Variants in SMAD7 observed in about 807,000 individuals in gnomAD.
The protein encoded by SMAD7 is MAD (mothers against decapentaplegic, Drosophila) homolog 7.
In SMAD7, 8 loss-of-function variants were observed where a neutral mutation model predicts 38.7. That is an observed-to-expected ratio of 0.21 (90% confidence interval 0.12 to 0.37). The LOEUF is 0.37. Ranked by LOEUF, SMAD7 falls within the 10% of genes least tolerant of loss-of-function variation. SMAD7 has a pLI of 1.00. For missense variants in SMAD7, 477 were observed against 577.9 expected (o/e 0.83, Z 1.79); for synonymous variants, 327 against 265.1 (o/e 1.23, Z -2.27).
intron 2 of SMAD7, among the ~76,000 whole-genome samples, chr18:48,947,031 A>G (rs2070202431): frequency 6.6e-6 from 1 of 152,224 alleles, no homozygotes; most frequent in Non-Finnish European, 1.5e-5. Context: ...GAACTTCATA[A>G]AAGAATTCTT....
chr18:48,931,148 C>T (rs1280485493), intron 3 of SMAD7, among the ~76,000 whole-genome samples: 3 of 151,936 alleles, frequency 2.0e-5, no homozygotes, highest in African/African-American at 2.4e-5. Flanking sequence ...ATGGTGGGTG[C>T]CAAGTGCTGG....
chr18:48,938,274 C>T (rs747612188), intron 3 of SMAD7, among the ~76,000 whole-genome samples: 1 of 152,178 alleles, frequency 6.6e-6, no homozygotes, highest in Non-Finnish European at 1.5e-5. Context: ...CAAGGACGCT[C>T]CCATCCCCCA....
At position 48,950,270 on chromosome 18, in the gene SMAD7, C is replaced by G; in HGVS notation, c.155G>C (p.Gly52Ala). Reference protein sequence around the residue: ...ATDSRAHGAGGGGPGRAGCCL... With the variant: ...ATDSRAHGAGAGGPGRAGCCL... ...GCATCCAGCCCTGCCCGGGCCGCCG[C>G]CACCGGCCCCATGCGCTCGGCTGTC... The change falls in exon 1 of 4, where the codon GGC becomes GCC. Residue 52 changes from glycine (G) to alanine (A), a missense_variant. Transcript: ENST00000262158. 4 of 1,521,652 alleles carry G rather than the reference C, an allele frequency of 2.6e-6. No homozygotes were observed. Among genetic ancestry groups the G allele is most frequent in the Non-Finnish European group, 3.5e-6 (4 of 1,137,044 alleles). 94.3% of individuals were successfully genotyped at this position (1,521,652 alleles called of 1,614,324 possible). A position where few individuals can be genotyped will look rare whatever the true frequency, so the allele number is the denominator to read the frequency against.
chr18:48,928,931 C>T (rs1017634743), intron 3 of SMAD7, among the ~76,000 whole-genome samples: 5 of 152,102 alleles, frequency 3.3e-5, no homozygotes, highest in African/African-American at 1.2e-4. Flanking sequence ...CAGGCTGACG[C>T]GGCTTCCTGT....
At position 48,949,893 on chromosome 18, in the gene SMAD7, A is replaced by T; in HGVS notation, c.532T>A (p.Cys178Ser). The T allele has an allele frequency of 6.2e-7, 1 of 1,613,770 alleles. No homozygotes were observed. Among genetic ancestry groups the T allele is most frequent in the South Asian group, 1.1e-5 (1 of 91,056 alleles). Residue 178 changes from cysteine to serine, a missense_variant, in exon 1 of 4, where the codon TGT becomes AGT. By Grantham distance (112) the Cys-to-Ser change is moderately radical (BLOSUM62 -1). Coordinates refer to ENST00000262158, the MANE Select transcript of SMAD7 (RefSeq NM_005904.4). ...LRHSSEVKRL[C>S]CCESYGKINP... ...ATCTTCCCGTAAGATTCACAGCAAC[A>T]CAGCCTCTTGACTTCCGAGGAATGC...
At chr18:48,939,935 C>T (rs1230067874) in intron 3 of SMAD7, among the ~76,000 whole-genome samples, 12 of 151,492 alleles carry the variant, frequency 7.9e-5, no homozygotes, top group Admixed American at 6.6e-5. Context: ...ACCCAGGCCA[C>T]CCCCCATGGA....
intron 3 of SMAD7, among the ~76,000 whole-genome samples, chr18:48,937,263 CATGTGT>C (rs1475146366): frequency 1.4e-5 from 1 of 69,082 alleles, no homozygotes; most frequent in Non-Finnish European, 3.0e-5. Flanking sequence ...TAAGTAAAGG[CATGTGT>C]GTGTGTGTGT....
At position 48,921,113 on chromosome 18, in the gene SMAD7, T is replaced by G. The variant is rs2069852748; in HGVS notation, c.*259A>C. The stretch of plus-strand genomic sequence containing the variant: ...GTGCTTGGATTTCTGCTTCCCCTCT[T>G]CCTATCAGGGTGTCCTGCCGATCAT... On this transcript the variant is annotated 3_prime_UTR_variant, in exon 4 of 4. Transcript: ENST00000262158. This position sits in a 1 kb window ranked among gnomAD's most constrained non-coding sequence, Gnocchi z 6.4. 2 of 488,224 alleles carry G rather than the reference T, an allele frequency of 4.1e-6. No individual in the cohort carries two copies. Among genetic ancestry groups the G allele is most frequent in the Non-Finnish European group, 7.3e-6 (2 of 272,528 alleles). The allele number at this position is 488,224 out of a possible 1,614,324, so 30.2% of individuals were successfully genotyped here.
chr18:48,948,893 C>T (rs2070228707), intron 1 of SMAD7, among the ~76,000 whole-genome samples: 1 of 152,268 alleles, frequency 6.6e-6, no homozygotes, highest in South Asian at 2.1e-4. Context: ...CCATTCCTAG[C>T]GCACTCGGGA....
chr18:48,931,251 C>T (rs564185947), intron 3 of SMAD7, among the ~76,000 whole-genome samples: 1 of 152,212 alleles, frequency 6.6e-6, no homozygotes, highest in South Asian at 2.1e-4. Context: ...GGGATAATAG[C>T]ACAATATGAA....
At chr18:48,935,342 A>G (rs2097386140) in intron 3 of SMAD7, among the ~76,000 whole-genome samples, 1 of 152,226 alleles carries the variant, frequency 6.6e-6, no homozygotes, top group South Asian at 2.1e-4. Flanking sequence ...GTGTGACAGT[A>G]GGCAGGCAGC....
chr18:48,948,477 T>C (rs566771796), intron 1 of SMAD7, 40 bp from the exon 2 acceptor site: 3 of 1,405,028 alleles, frequency 2.1e-6, no homozygotes, highest in African/African-American at 1.4e-5. Flanking sequence ...GGCCCAGCCA[T>C]GAGAAGAGAG....
At chr18:48,948,492 A>T in intron 1 of SMAD7, 55 bp from the exon 2 acceptor site, 1 of 1,258,422 alleles carries the variant, frequency 7.9e-7, no homozygotes, top group South Asian at 1.3e-5. Context: ...AGAGAGATAG[A>T]AACTTATGAT....
At position 48,942,473 on chromosome 18, in the gene SMAD7, C is replaced by T; in HGVS notation, c.742+8G>A. 1.9e-6 allele frequency: 3 copies of T among 1,557,118 alleles called. No individual in the cohort carries two copies. The highest frequency in any genetic ancestry group is 2.1e-5 in the Admixed American group (1 of 48,156). ...GAATTGCCAGGAAAATAAGAGAAAG[C>T]ATCTTACCTGAAAGCCCCCCAGGGG... On this transcript the variant is annotated splice_region_variant and intron_variant, in intron 3 of 3. Coordinates refer to ENST00000262158, the MANE Select transcript of SMAD7 (RefSeq NM_005904.4).
intron 3 of SMAD7, among the ~76,000 whole-genome samples, chr18:48,938,408 A>T (rs1236253240): frequency 6.6e-6 from 1 of 152,224 alleles, no homozygotes. Context: ...GGAGTTTCCC[A>T]GGACACGTGA....
intron 2 of SMAD7, 53 bp from the exon 3 acceptor site, chr18:48,942,608 A>G (rs776822905): frequency 6.2e-7 from 1 of 1,612,174 alleles, no homozygotes; most frequent in South Asian, 1.1e-5. Context: ...TAAAAACACC[A>G]AGATCCATCT....
intron 3 of SMAD7, among the ~76,000 whole-genome samples, chr18:48,931,833 G>A (rs1028114442): frequency 1.3e-5 from 2 of 152,254 alleles, no homozygotes; most frequent in Non-Finnish European, 2.9e-5. Flanking sequence ...TCTAGTGACA[G>A]GAAAGTGGAG....
chr18:48,932,722 G>A (rs1005538558), intron 3 of SMAD7, among the ~76,000 whole-genome samples: 2 of 152,184 alleles, frequency 1.3e-5, no homozygotes, highest in African/African-American at 4.8e-5. Flanking sequence ...CCCAACCCCA[G>A]ACAGGCCAGG....
chr18:48,921,997 G>GA lies in SMAD7; in HGVS notation c.743-88_743-87insT. The stretch of plus-strand genomic sequence containing the variant: ...GACACCCGCCCCCCCACTGCACCCA[G>GA]TCACCAGCTCATCTCTCAGGACGAG... On this transcript the variant is annotated intron_variant, in intron 3 of 3. Coordinates refer to ENST00000262158, the MANE Select transcript of SMAD7 (RefSeq NM_005904.4). This position sits in a 1 kb window ranked among gnomAD's most constrained non-coding sequence, Gnocchi z 6.4. 1 of 1,010,624 alleles carries GA rather than the reference G, an allele frequency of 9.9e-7. No individual in the cohort carries two copies. The highest frequency in any genetic ancestry group is 2.4e-5 in the East Asian group (1 of 41,224). The allele number at this position is 1,010,624 out of a possible 1,614,324, so 62.6% of individuals were successfully genotyped here. A position where few individuals can be genotyped will look rare whatever the true frequency, so the allele number is the denominator to read the frequency against.
Sources: gnomAD v4.1 joint callset for allele counts (sites outside exome capture counted in the v4.1 genomes callset) on GRCh38, gnomAD v4.1.1 for gene constraint, Gnocchi (gnomAD v3.1) non-coding constraint, MANE v1.5 for transcripts, NCBI Gene and HGNC (gene_info 2026-07-23, HGNC 2026-07-21) for gene names.